Variants in GPR174 observed in about 807,000 individuals in gnomAD.
The protein encoded by GPR174 is probable G protein-coupled receptor 174.
In GPR174, 8 loss-of-function variants were observed where a neutral mutation model predicts 16.5. The ratio of observed to expected loss-of-function variants is 0.48; its 90% CI spans 0.28 to 0.87. GPR174 has a LOEUF of 0.87. GPR174 is among the 40% of genes least tolerant of loss of function. The pLI is 0.09. For synonymous variants in GPR174, 111 were observed against 94.8 expected (o/e 1.17, Z -0.99); for missense variants, 214 against 247.5 (o/e 0.86, Z 0.91).
intron 1 of GPR174, among the ~76,000 whole-genome samples, chrX:79,149,928 C>T (rs774281878): frequency 1.7e-4 from 18 of 107,885 alleles, no homozygotes; most frequent in Non-Finnish European, 2.9e-4. Context: ...AGACTATAAC[C>T]TGGATTATAT....
intron 1 of GPR174, among the ~76,000 whole-genome samples, chrX:79,146,718 C>T: frequency 8.9e-6 from 1 of 111,844 alleles, no homozygotes; most frequent in Non-Finnish European, 1.9e-5. Flanking sequence ...GATGAATAAA[C>T]ATAAAATGAG....
chrX:79,161,435 T>C (rs1921231422), intron 2 of GPR174, among the ~76,000 whole-genome samples: 1 of 112,734 alleles, frequency 8.9e-6, no homozygotes, highest in Non-Finnish European at 1.9e-5. Flanking sequence ...AACAATTCTT[T>C]TATTTATGGT....
rs985138786 is a variant in GPR174 at position 79,170,519 on chromosome X, T to C, written c.-489T>C. The C allele has an allele frequency of 8.9e-6, 1 of 111,866 alleles. No individual in the cohort carries two copies. The highest frequency in any genetic ancestry group is 1.9e-5 in the Non-Finnish European group (1 of 53,591). 9.2% of individuals were successfully genotyped at this position (111,866 alleles called of 1,213,427 possible). A position where few individuals can be genotyped will look rare whatever the true frequency, so the allele number is the denominator to read the frequency against. On this transcript the variant is annotated 5_prime_UTR_variant, in exon 3 of 3. Transcript: ENST00000645147. Reference sequence around the variant, plus strand: ...GAAAAAGTCCCAGAAAGCTGATCTTTCCAAGTTAATCATCCCTGAAGAGTG... The same window carrying C: ...GAAAAAGTCCCAGAAAGCTGATCTTCCCAAGTTAATCATCCCTGAAGAGTG...
intron 1 of GPR174, among the ~76,000 whole-genome samples, chrX:79,145,980 A>G (rs1431148724): frequency 8.9e-6 from 1 of 111,923 alleles, no homozygotes; most frequent in East Asian, 2.8e-4. Flanking sequence ...TTTAATTTAC[A>G]TTTCTAGATA....
At chrX:79,147,136 G>A (rs1317232091) in intron 1 of GPR174, among the ~76,000 whole-genome samples, 1 of 111,505 alleles carries the variant, frequency 9.0e-6, no homozygotes, top group Non-Finnish European at 1.9e-5. Context: ...TATGCTTTGG[G>A]AAGTAAAGTA....
chrX:79,164,775 A>G (rs745510866), intron 2 of GPR174, among the ~76,000 whole-genome samples: 2 of 111,890 alleles, frequency 1.8e-5, no homozygotes, highest in African/African-American at 6.5e-5. Flanking sequence ...ACGAAGATCC[A>G]GAAAATTAAT....
rs898394033 is a variant in GPR174, at chrX:79,172,914, G to A, written c.*905G>A. 1 of 112,037 alleles carries A rather than the reference G, an allele frequency of 8.9e-6. No homozygotes were observed. Among genetic ancestry groups the A allele is most frequent in the African/African-American group, 3.2e-5 (1 of 30,795 alleles). The allele number at this position is 112,037 out of a possible 1,213,427, so 9.2% of individuals were successfully genotyped here. A position where few individuals can be genotyped will look rare whatever the true frequency, so the allele number is the denominator to read the frequency against. The stretch of plus-strand genomic sequence containing the variant: ...ATCATGTTTCTAGAGATACATTGAG[G>A]TAATGTTGACAGGTTCCTGCACTTT... On this transcript the variant is annotated 3_prime_UTR_variant, in exon 3 of 3. Coordinates refer to ENST00000645147, the MANE Select transcript of GPR174 (RefSeq NM_032553.3).
intron 1 of GPR174, among the ~76,000 whole-genome samples, chrX:79,149,437 G>C (rs1477761941): frequency 1.8e-5 from 2 of 111,900 alleles, no homozygotes; most frequent in African/African-American, 6.5e-5. Flanking sequence ...ATTTAACAAA[G>C]GAAAGTTCAG....
intron 1 of GPR174, among the ~76,000 whole-genome samples, chrX:79,146,013 A>T (rs1926493216): frequency 8.9e-6 from 1 of 111,900 alleles, no homozygotes; most frequent in African/African-American, 3.2e-5. Flanking sequence ...TTATTTTGAC[A>T]AAATGTAAGT....
At chrX:79,150,048 C>G (rs1383147585) in intron 1 of GPR174, among the ~76,000 whole-genome samples, 2 of 111,130 alleles carry the variant, frequency 1.8e-5, no homozygotes, top group East Asian at 5.6e-4. Flanking sequence ...CCCAGGGGAA[C>G]ATTTACTCAG....
chrX:79,145,000 CTCTCTCTTTCTTTCTT>C lies in GPR174; in HGVS notation c.-867_-852del, dbSNP rs1458742039. On this transcript the variant is annotated 5_prime_UTR_variant, in exon 1 of 3. Coordinates refer to ENST00000645147, the MANE Select transcript of GPR174 (RefSeq NM_032553.3). The stretch of plus-strand genomic sequence containing the variant: ...TCTTTTTCTTTCTTTCTTTCTCTCT[CTCTCTCTTTCTTTCTT>C]TCTTTCTTTCTTTCTTTCTTTCTTT... 686 of 33,537 alleles carry C rather than the reference CTCTCTCTTTCTTTCTT, an allele frequency of 0.02. 17 individuals carry two copies. The highest frequency in any genetic ancestry group is 0.051 in the African/African-American group (631 of 12,453). 2.8% of individuals were successfully genotyped at this position (33,537 alleles called of 1,213,427 possible).
At position 79,175,184 on chromosome X, in the gene GPR174, G is replaced by T. The variant is rs17277875; in HGVS notation, c.*3175G>T. ...GAGGGTGCATCTGTGGAACTCTTGC[G>T]CAACTTACATTTTATGTCACCTTTT... On this transcript the variant is annotated 3_prime_UTR_variant, in exon 3 of 3. Coordinates refer to ENST00000645147, the MANE Select transcript of GPR174 (RefSeq NM_032553.3). The T allele has an allele frequency of 9.0e-6, 1 of 111,363 alleles. No homozygotes were observed. The highest frequency in any genetic ancestry group is 9.6e-5 in the Admixed American group (1 of 10,467). 9.2% of individuals were successfully genotyped at this position (111,363 alleles called of 1,213,427 possible). A position where few individuals can be genotyped will look rare whatever the true frequency, so the allele number is the denominator to read the frequency against.
At chrX:79,146,390 A>C (rs1926500568) in intron 1 of GPR174, among the ~76,000 whole-genome samples, 1 of 112,538 alleles carries the variant, frequency 8.9e-6, no homozygotes, top group Non-Finnish European at 1.9e-5. Flanking sequence ...TGGATCATTC[A>C]GCAAAGAGTA....
intron 2 of GPR174, among the ~76,000 whole-genome samples, chrX:79,157,331 C>G (rs1443481465): frequency 1.8e-5 from 2 of 111,243 alleles, no homozygotes; most frequent in Non-Finnish European, 3.8e-5. Flanking sequence ...GTTTTTCAAC[C>G]CCTTAAATTT....
At chrX:79,162,316 A>G (rs1256337673) in intron 2 of GPR174, among the ~76,000 whole-genome samples, 1 of 111,281 alleles carries the variant, frequency 9.0e-6, no homozygotes, top group East Asian at 2.8e-4. Context: ...GCAGGTGACC[A>G]GTAAGGAAGA....
Position 79,156,816 on chromosome X carries a change from T to C in GPR174, c.-653-6T>C, listed in dbSNP as rs1487294328. On this transcript the variant is annotated splice_polypyrimidine_tract_variant and splice_region_variant and intron_variant, in intron 1 of 2. Transcript: ENST00000645147. ...ACCTGACCACTGCTTTTCTATGTTT[T>C]TCAAGGCATGAATGAATTAATCGTG... is the stretch of plus-strand genomic sequence containing the variant. 1.8e-5 allele frequency: 2 copies of C among 112,188 alleles called. No individual in the cohort carries two copies. The highest frequency in any genetic ancestry group is 5.6e-4 in the East Asian group (2 of 3,595). 9.2% of individuals were successfully genotyped at this position (112,188 alleles called of 1,213,427 possible). A position where few individuals can be genotyped will look rare whatever the true frequency, so the allele number is the denominator to read the frequency against.
At chrX:79,156,499 G>T (rs1921102175) in intron 1 of GPR174, among the ~76,000 whole-genome samples, 1 of 111,914 alleles carries the variant, frequency 8.9e-6, no homozygotes, top group Non-Finnish European at 1.9e-5. Flanking sequence ...TTAACAAGAG[G>T]CTGTGGGATT....
intron 2 of GPR174, 61 bp from the exon 3 acceptor site, chrX:79,170,391 C>T (rs1240098887): frequency 2.0e-5 from 2 of 97,748 alleles, no homozygotes; most frequent in East Asian, 6.4e-4. Flanking sequence ...TGAACACAGG[C>T]TTTTTTTTTT....
intron 2 of GPR174, among the ~76,000 whole-genome samples, chrX:79,161,227 G>A (rs1345526224): frequency 1.8e-5 from 2 of 111,772 alleles, no homozygotes; most frequent in Non-Finnish European, 3.8e-5. Context: ...TAGGTACACC[G>A]AAGGGGCATC....
Sources: allele counts gnomAD v4.1 joint callset (sites outside exome capture counted in the v4.1 genomes callset), GRCh38; gene constraint gnomAD v4.1.1; transcripts MANE v1.5; gene names NCBI Gene and HGNC (gene_info 2026-07-23, HGNC 2026-07-21).